Variants in NOL10 observed in about 807,000 individuals in gnomAD.
The protein encoded by NOL10 is H_NH0074G24.1.
Under a neutral mutation model 103.5 loss-of-function variants are expected in NOL10, and 58 were observed. The observed-to-expected ratio is 0.56, with a 90% confidence interval of 0.45 to 0.70. NOL10 has a LOEUF of 0.70. Among genes scored for constraint, NOL10 ranks in the 30% least tolerant of loss-of-function variants. The probability of loss-of-function intolerance (pLI) is 0.00; values close to 1 mark genes in which losing one functional copy is unlikely to be tolerated. For missense variants in NOL10, 763 were observed against 807.3 expected (o/e 0.95, Z 0.67); for synonymous variants, 287 against 282.5 (o/e 1.02, Z -0.16).
At chr2:10,689,740 C>A in intron 1 of NOL10, 56 bp downstream of exon 1, 1 of 1,522,702 alleles carries the variant, frequency 6.6e-7, no homozygotes, top group South Asian at 1.2e-5. Context: ...GCGGCTGCCC[C>A]ACGAGGAGGA....
At chr2:10,667,095 G>T in intron 8 of NOL10, 123 bp downstream of exon 8, 2 of 669,016 alleles carry the variant, frequency 3.0e-6, no homozygotes, top group South Asian at 1.8e-5. Context: ...TACTCTACAG[G>T]ATGTTCAAGC....
chr2:10,623,877 G>A (rs957883226), intron 13 of NOL10, among the ~76,000 whole-genome samples: 3 of 152,138 alleles, frequency 2.0e-5, no homozygotes, highest in African/African-American at 4.8e-5. Context: ...TGGCTAAAAC[G>A]CAAAAACATT....
rs190765429 is a variant in NOL10 at position 10,600,823 on chromosome 2, A to G, written c.1422+30T>C. The G allele has an allele frequency of 2.2e-6, 3 of 1,395,186 alleles. No homozygotes were observed. In the East Asian group the frequency reaches 7.5e-5, roughly 35 times the overall value. The allele number at this position is 1,395,186 out of a possible 1,614,324, so 86.4% of individuals were successfully genotyped here. On this transcript the variant is annotated intron_variant, in intron 17 of 20. Coordinates refer to ENST00000381685, the MANE Select transcript of NOL10 (RefSeq NM_024894.4). Reference sequence around the variant, plus strand: ...GTAAGTTACTATCAACAAAACGCAGAAACAATTTGCCGATACTTTTTCACC... The same window carrying G: ...GTAAGTTACTATCAACAAAACGCAGGAACAATTTGCCGATACTTTTTCACC...
intron 13 of NOL10, among the ~76,000 whole-genome samples, chr2:10,611,934 CAAAACAAAAACA>C (rs561568151): frequency 9.2e-5 from 14 of 151,640 alleles, no homozygotes; most frequent in African/African-American, 2.4e-4. Context: ...AAAAACAAAA[CAAAACAAAAACA>C]AAAACAAAAA....
At chr2:10,669,891 AAATAAT>A (rs371037850) in intron 6 of NOL10, among the ~76,000 whole-genome samples, 16 of 150,092 alleles carry the variant, frequency 1.1e-4, no homozygotes, top group African/African-American at 2.2e-4. Context: ...ACTCCATCTC[AAATAAT>A]AATAATAATA....
chr2:10,608,454 G>A (rs1207653096), intron 13 of NOL10, among the ~76,000 whole-genome samples: 1 of 152,162 alleles, frequency 6.6e-6, no homozygotes, highest in Non-Finnish European at 1.5e-5. Flanking sequence ...GTCAATGTAT[G>A]CCAAAGGAAA....
At chr2:10,632,531 T>C (rs1677916538) in intron 13 of NOL10, among the ~76,000 whole-genome samples, 3 of 152,252 alleles carry the variant, frequency 2.0e-5, no homozygotes, top group Admixed American at 6.5e-5. Flanking sequence ...ATTTTACAAC[T>C]TTGCAAATTG....
At chr2:10,607,356 G>A (rs934510103) in intron 13 of NOL10, 45 bp from the exon 14 acceptor site, 7 of 1,549,586 alleles carry the variant, frequency 4.5e-6, no homozygotes, top group Admixed American at 2.1e-5. Flanking sequence ...AGTTTACCAC[G>A]CCATCCAAGT....
chr2:10,589,105 C>T lies in NOL10; in HGVS notation c.1782G>A (p.Glu594=), dbSNP rs1675266437. Residue 594 remains glutamate (E), a synonymous_variant, in exon 19 of 21, where the codon GAG becomes GAA. Transcript: ENST00000381685. ...QQTVLKPQFY[E]IKAGEEFRSF... ...TTCTAAATTCTTCTCCTGCTTTGATCTCATAAAACTGGGGCTTTAGGACTG... is the reference window on the plus strand; with the variant it reads ...TTCTAAATTCTTCTCCTGCTTTGATTTCATAAAACTGGGGCTTTAGGACTG... The T allele has an allele frequency of 6.2e-7, 1 of 1,613,918 alleles. No homozygotes were observed. The highest frequency in any genetic ancestry group is 1.3e-5 in the African/African-American group (1 of 74,946).
intron 3 of NOL10, among the ~76,000 whole-genome samples, chr2:10,679,096 A>G (rs1681536456): frequency 6.6e-6 from 1 of 152,046 alleles, no homozygotes; most frequent in Non-Finnish European, 1.5e-5. Context: ...GCGGTGGCTT[A>G]CATCTGTAAT....
chr2:10,587,273 A>AT (rs1194971012), intron 19 of NOL10, among the ~76,000 whole-genome samples: 313 of 20,188 alleles, frequency 0.016, 105 homozygotes, highest in Admixed American at 0.11. Flanking sequence ...ATATATATAT[A>AT]TATTTTTTTT....
intron 13 of NOL10, among the ~76,000 whole-genome samples, chr2:10,610,795 A>G (rs1168695918): frequency 6.6e-6 from 1 of 152,178 alleles, no homozygotes; most frequent in Non-Finnish European, 1.5e-5. Flanking sequence ...CCTTTGAAAT[A>G]TATTAATTTA....
intron 13 of NOL10, among the ~76,000 whole-genome samples, chr2:10,616,306 G>A (rs1055505195): frequency 4.3e-5 from 6 of 139,288 alleles, no homozygotes; most frequent in Admixed American, 1.6e-4. Context: ...TCGGCTCACT[G>A]CAACCTCTGC....
chr2:10,586,150 G>A (rs1026670724), intron 19 of NOL10, among the ~76,000 whole-genome samples: 2 of 152,344 alleles, frequency 1.3e-5, no homozygotes, highest in African/African-American at 4.8e-5. Flanking sequence ...CTGCCCATAA[G>A]GCGTGGGGTT....
chr2:10,614,261 G>C (rs6725354), intron 13 of NOL10, among the ~76,000 whole-genome samples: 121,737 of 151,958 alleles, frequency 0.8, 48,966 homozygotes, highest in Non-Finnish European at 0.82. Context: ...TGCCCAGCCC[G>C]CTATTAGAAT....
chr2:10,623,643 G>A (rs1213135398), intron 13 of NOL10, among the ~76,000 whole-genome samples: 1 of 152,080 alleles, frequency 6.6e-6, no homozygotes, highest in Non-Finnish European at 1.5e-5. Context: ...CTTGGTCCTG[G>A]CACAGGAAAG....
chr2:10,648,428 C>T (rs1679233136), intron 12 of NOL10, among the ~76,000 whole-genome samples: 2 of 152,164 alleles, frequency 1.3e-5, no homozygotes, highest in Admixed American at 6.6e-5. Context: ...GGGGCGCCTA[C>T]GGGTCTTGTT....
rs368175858 is a variant in NOL10 at position 10,572,197 on chromosome 2, G to A, written c.1948-7C>T. ...GCTTCTTCTGCTGTTCAGACTAAAAGAGAAAATGAAATGAGTAGAGGGAAA... is the reference window on the plus strand; with the variant it reads ...GCTTCTTCTGCTGTTCAGACTAAAAAAGAAAATGAAATGAGTAGAGGGAAA... On this transcript the variant is annotated splice_region_variant and splice_polypyrimidine_tract_variant and intron_variant, in intron 20 of 20. Transcript: ENST00000381685. The A allele has an allele frequency of 1.2e-5, 20 of 1,613,702 alleles. 1 individual carries two copies. The highest frequency in any genetic ancestry group is 1.0e-4 in the Admixed American group (6 of 59,958).
intron 13 of NOL10, among the ~76,000 whole-genome samples, chr2:10,609,431 C>CAAAAAAAAAAAAAAAAAA (rs60104799): frequency 9.0e-6 from 1 of 111,590 alleles, no homozygotes; most frequent in Non-Finnish European, 1.7e-5. Flanking sequence ...ACTAAAAATA[C>CAAAAAAAAAAAAAAAAAA]AAAAAAAAAA....
Sources: allele counts gnomAD v4.1 joint callset (sites outside exome capture counted in the v4.1 genomes callset), GRCh38; gene constraint gnomAD v4.1.1; transcripts MANE v1.5; gene names NCBI Gene and HGNC (gene_info 2026-07-23, HGNC 2026-07-21).